CD248: variants seen among roughly 807,000 people sequenced by gnomAD.
CD248 encodes CD248 molecule, also known as endosialin.
Under a neutral mutation model 8.0 loss-of-function variants are expected in CD248, and 7 were observed. The observed-to-expected ratio is 0.88, with a 90% CI of 0.50 to 1.64. CD248 has a LOEUF of 1.64. CD248 is among the 40% of genes most tolerant of loss of function. CD248 has a pLI of 0.00. For synonymous variants in CD248, 418 were observed against 437.1 expected (o/e 0.96, Z 0.54); for missense variants, 912 against 1,027.2 (o/e 0.89, Z 1.53).
chr11:66,315,819 C>T lies in CD248; in HGVS notation c.1209G>A (p.Pro403=), dbSNP rs186642249. Reference sequence around the variant, plus strand: ...GTCTATAGGCCAGGGCAAAGTCAGGCGGCTGCGTAGGCTCCATCCACAGGA... The same window carrying T: ...GTCTATAGGCCAGGGCAAAGTCAGGTGGCTGCGTAGGCTCCATCCACAGGA... ...PGILWMEPTQ[P]PDFALAYRPS... is the part of the protein sequence containing the mutation. Residue 403 remains proline, a synonymous_variant, in exon 1 of 1, where the codon CCG becomes CCA. Transcript: ENST00000311330. The surrounding 1 kb of genome is among the most constrained non-coding windows in gnomAD (Gnocchi z 4.3). The T allele has an allele frequency of 7.3e-5, 118 of 1,613,938 alleles. No individual in the cohort carries two copies. Among genetic ancestry groups the T allele is most frequent in the South Asian group, 5.2e-4 (47 of 91,080 alleles).
At position 66,316,991 on chromosome 11, in the gene CD248, C is replaced by A; in HGVS notation, c.37G>T (p.Gly13Trp). The part of the protein sequence containing the change: ...LRLLLAWAAA[G>W]PTLGQDPWAA... ...CAGGGGTCCTGGCCCAGTGTGGGCC[C>A]TGCGGCCGCCCAGGCCAGCAACAGG... Residue 13 changes from glycine (G) to tryptophan (W), a missense_variant, in exon 1 of 1, where the codon GGG becomes TGG. By Grantham distance (184) the Gly-to-Trp change is radical. Coordinates refer to ENST00000311330, the MANE Select transcript of CD248 (RefSeq NM_020404.3). The A allele has an allele frequency of 6.7e-7, 1 of 1,491,056 alleles. No homozygotes were observed. The highest frequency in any genetic ancestry group is 2.4e-5 in the Admixed American group (1 of 41,508). The allele number at this position is 1,491,056 out of a possible 1,614,324, so 92.4% of individuals were successfully genotyped here. A position where few individuals can be genotyped will look rare whatever the true frequency, so the allele number is the denominator to read the frequency against.
chr11:66,315,471 G>A lies in CD248; in HGVS notation c.1557C>T (p.Thr519=), dbSNP rs764716360. ...GGGCAGGGAAGAGCTCCGGATATTT[G>A]GTTGAGATCATAGGGGGCTGGTGGG... ...PPAHQPPMIS[T]KYPELFPAHQ... The change falls in exon 1 of 1, where the codon ACC becomes ACT. Residue 519 remains threonine, a synonymous_variant. Transcript: ENST00000311330. The surrounding 1 kb of genome is among the most constrained non-coding windows in gnomAD (Gnocchi z 4.3). The A allele has an allele frequency of 3.1e-6, 5 of 1,613,996 alleles. No homozygotes were observed. The highest frequency in any genetic ancestry group is 4.2e-6 in the Non-Finnish European group (5 of 1,179,958).
Position 66,315,905 on chromosome 11 carries a change from C to T in CD248, c.1123G>A (p.Glu375Lys), listed in dbSNP as rs1201726582. The T allele has an allele frequency of 1.2e-6, 2 of 1,613,550 alleles. No homozygotes were observed. Among genetic ancestry groups the T allele is most frequent in the Non-Finnish European group, 1.7e-6 (2 of 1,180,022 alleles). Residue 375 changes from glutamate (E) to lysine (K), a missense_variant, in exon 1 of 1, where the codon GAG (glutamate) becomes AAG (lysine). By Grantham distance (56) the Glu-to-Lys change is moderately conservative (BLOSUM62 1). Around this residue, in one of 3 missense-constraint regions of CD248, gnomAD observed 507 missense variants for 562.2 expected, o/e 0.90. Transcript: ENST00000311330. The surrounding 1 kb of genome is among the most constrained non-coding windows in gnomAD (Gnocchi z 4.3). ...GDELLDDGED[E>K]EDEDEAWKAF... ...TTCCAGGCCTCGTCTTCATCTTCCT[C>T]ATCCTCCCCGTCATCCAGCAACTCA... is the stretch of plus-strand genomic sequence containing the variant.
Position 66,316,725 on chromosome 11 carries a change from G to A in CD248, c.303C>T (p.Arg101=), listed in dbSNP as rs138322044. ...GGTCCCCTGTGGTCCACGTGAAGCC[G>A]CGCAGTGGGCGCTGCAGCTGGCATT... ...ARQCQLQRPL[R]GFTWTTGDQD... is the part of the protein sequence containing the mutation. Residue 101 remains arginine (R), a synonymous_variant, in exon 1 of 1, where the codon CGC becomes CGT. Coordinates refer to ENST00000311330, the MANE Select transcript of CD248 (RefSeq NM_020404.3). 3.7e-4 allele frequency: 593 copies of A among 1,604,520 alleles called. 1 individual carries two copies. The African/African-American group carries it at 4.6e-3, about 12-fold the overall frequency.
At position 66,315,553 on chromosome 11, in the gene CD248, A is replaced by C. The variant is rs1271170864; in HGVS notation, c.1475T>G (p.Leu492Arg). ...IPVIAANYPD[L>R]PSAYQPGILS... The stretch of plus-strand genomic sequence containing the variant: ...AATACCGGGTTGGTAGGCAGAAGGC[A>C]GATCTGGATAGTTGGCTGCGATCAC... Residue 492 changes from leucine (L) to arginine (R), a missense_variant, in exon 1 of 1, where the codon CTG (leucine) becomes CGG (arginine). Physicochemically the swap from Leu to Arg is moderately radical, Grantham distance 102. Coordinates refer to ENST00000311330, the MANE Select transcript of CD248 (RefSeq NM_020404.3). This position sits in a 1 kb window ranked among gnomAD's most constrained non-coding sequence, Gnocchi z 4.3. The C allele has an allele frequency of 1.2e-6, 2 of 1,614,026 alleles. No homozygotes were observed. Among genetic ancestry groups the C allele is most frequent in the South Asian group, 2.2e-5 (2 of 91,084 alleles).
In CD248 at chr11:66,316,801, G is replaced by A. The variant is rs1427912415; in HGVS notation, c.227C>T (p.Ala76Val). ...CCACAGCAGCCGGCTGGCTGGGCCC[G>A]CACCCACCAGGCTGTCCACACGCTG... is the stretch of plus-strand genomic sequence containing the variant. ...EAQRVDSLVGAGPASRLLWIG... is the reference protein window; with the variant it reads ...EAQRVDSLVGVGPASRLLWIG... Residue 76 changes from alanine (A) to valine (V), a missense_variant, in exon 1 of 1, where the codon GCG becomes GTG. Around this residue, in one of 3 missense-constraint regions of CD248, gnomAD observed 403 missense variants for 446.2 expected, o/e 0.90. Transcript: ENST00000311330. 7 of 1,588,122 alleles carry A rather than the reference G, an allele frequency of 4.4e-6. No individual in the cohort carries two copies. The highest frequency in any genetic ancestry group is 2.2e-4 in the Middle Eastern group (1 of 4,488).
rs1426848971 is a variant in CD248, at chr11:66,316,701, G to C, written c.327C>G (p.Asp109Glu). 1 of 1,606,744 alleles carries C rather than the reference G, an allele frequency of 6.2e-7. No individual in the cohort carries two copies. The highest frequency in any genetic ancestry group is 2.2e-5 in the East Asian group (1 of 44,862). Residue 109 changes from aspartate to glutamate, a missense_variant, in exon 1 of 1, where the codon GAC (aspartate) becomes GAG (glutamate). By Grantham distance (45) the Asp-to-Glu change is conservative. Coordinates refer to ENST00000311330, the MANE Select transcript of CD248 (RefSeq NM_020404.3). ...PLRGFTWTTG[D>E]QDTAFTNWAQ... ...CCCAGTTGGTGAAAGCCGTGTCCTGGTCCCCTGTGGTCCACGTGAAGCCGC... is the reference window on the plus strand; with the variant it reads ...CCCAGTTGGTGAAAGCCGTGTCCTGCTCCCCTGTGGTCCACGTGAAGCCGC...
Position 66,316,443 on chromosome 11 carries a change from G to C in CD248, c.585C>G (p.Phe195Leu). 1 of 1,602,064 alleles carries C rather than the reference G, an allele frequency of 6.2e-7. No individual in the cohort carries two copies. The highest frequency in any genetic ancestry group is 8.5e-7 in the Non-Finnish European group (1 of 1,179,736). The change falls in exon 1 of 1, where the codon TTC becomes TTG. Residue 195 changes from phenylalanine (F) to leucine (L), a missense_variant. Around this residue, in one of 3 missense-constraint regions of CD248, gnomAD observed 403 missense variants for 446.2 expected, o/e 0.90. Transcript: ENST00000311330. Reference sequence around the variant, plus strand: ...GGCACTGCACAGCGGCCACAGAGCCGAAGGGCAGCCACTCAAACTCTGTGG... The same window carrying C: ...GGCACTGCACAGCGGCCACAGAGCCCAAGGGCAGCCACTCAAACTCTGTGG... Reference protein sequence around the residue: ...LVSTEFEWLPFGSVAAVQCQA... With the variant: ...LVSTEFEWLPLGSVAAVQCQA...
In CD248 at chr11:66,315,609, GT is replaced by G; in HGVS notation, c.1418del (p.His473ProfsTer12). 1 of 1,613,914 alleles carries G rather than the reference GT, an allele frequency of 6.2e-7. No homozygotes were observed. Among genetic ancestry groups the G allele is most frequent in the Non-Finnish European group, 8.5e-7 (1 of 1,179,896 alleles). ...TCTGGTGGTCACGGGACAAAGCTGGGTGTGTGGCAGGGATCACAGGAGGCTG... is the reference window on the plus strand; with the variant it reads ...TCTGGTGGTCACGGGACAAAGCTGGGGTGTGGCAGGGATCACAGGAGGCTG... ...AHQPPVIPAT[H>X]PALSRDHQIP... On this transcript the variant is annotated frameshift_variant, in exon 1 of 1. Coordinates refer to ENST00000311330, the MANE Select transcript of CD248 (RefSeq NM_020404.3). LOFTEE classifies it low-confidence loss of function (END_TRUNC). This position sits in a 1 kb window ranked among gnomAD's most constrained non-coding sequence, Gnocchi z 4.3.
Position 66,315,885 on chromosome 11 carries a change from G to A in CD248, c.1143C>T (p.Ala381=), listed in dbSNP as rs1854541346. The A allele has an allele frequency of 5.6e-6, 9 of 1,613,776 alleles. 1 individual carries two copies. The highest frequency in any genetic ancestry group is 6.8e-6 in the Non-Finnish European group (8 of 1,180,002). ...TCCAGCCACCGTTGAAGGCCTTCCA[G>A]GCCTCGTCTTCATCTTCCTCATCCT... ...DGEDEEDEDE[A]WKAFNGGWTE... The change falls in exon 1 of 1, where the codon GCC becomes GCT. Residue 381 remains alanine (A), a synonymous_variant. Coordinates refer to ENST00000311330, the MANE Select transcript of CD248 (RefSeq NM_020404.3). This position sits in a 1 kb window ranked among gnomAD's most constrained non-coding sequence, Gnocchi z 4.3.
rs763690833 is a variant in CD248, at chr11:66,316,736, G to A, written c.292C>T (p.Arg98Cys). The change falls in exon 1 of 1, where the codon CGC becomes TGC. Residue 98 changes from arginine (R) to cysteine (C), a missense_variant. Transcript: ENST00000311330. ...QRQARQCQLQ[R>C]PLRGFTWTTG... ...GTCCACGTGAAGCCGCGCAGTGGGC[G>A]CTGCAGCTGGCATTGCCGGGCCTGC... is the stretch of plus-strand genomic sequence containing the variant. 15 of 1,603,074 alleles carry A rather than the reference G, an allele frequency of 9.4e-6. No homozygotes were observed. The highest frequency in any genetic ancestry group is 5.3e-5 in the African/African-American group (4 of 74,840).
At position 66,315,573 on chromosome 11, in the gene CD248, G is replaced by A. The variant is rs74494297; in HGVS notation, c.1455C>T (p.Ile485=). The change falls in exon 1 of 1, where the codon ATC becomes ATT. Residue 485 remains isoleucine, a synonymous_variant. Coordinates refer to ENST00000311330, the MANE Select transcript of CD248 (RefSeq NM_020404.3). The surrounding 1 kb of genome is among the most constrained non-coding windows in gnomAD (Gnocchi z 4.3). Reference sequence around the variant, plus strand: ...AAGGCAGATCTGGATAGTTGGCTGCGATCACGGGGATCTGGTGGTCACGGG... The same window carrying A: ...AAGGCAGATCTGGATAGTTGGCTGCAATCACGGGGATCTGGTGGTCACGGG... ...ALSRDHQIPV[I]AANYPDLPSA... is the part of the protein sequence containing the mutation. 892 of 1,613,942 alleles carry A rather than the reference G, an allele frequency of 5.5e-4. 1 individual carries two copies. In the African/African-American group the frequency reaches 0.011, roughly 20 times the overall value.
chr11:66,316,934 T>C lies in CD248; in HGVS notation c.94A>G (p.Ser32Gly), dbSNP rs750980250. 8.4e-6 allele frequency: 13 copies of C among 1,553,888 alleles called. No individual in the cohort carries two copies. The South Asian group carries it at 9.3e-5, about 11-fold the overall frequency. ...AAEPRAACGP[S>G]SCYALFPRRR... is the part of the protein sequence containing the mutation. Reference sequence around the variant, plus strand: ...CGTGGGAAGAGAGCGTAGCAGCTGCTGGGGCCGCAGGCGGCACGGGGCTCA... The same window carrying C: ...CGTGGGAAGAGAGCGTAGCAGCTGCCGGGGCCGCAGGCGGCACGGGGCTCA... The change falls in exon 1 of 1, where the codon AGC becomes GGC. Residue 32 changes from serine (S) to glycine (G), a missense_variant. Around this residue, in one of 3 missense-constraint regions of CD248, gnomAD observed 403 missense variants for 446.2 expected, o/e 0.90. Transcript: ENST00000311330.
In CD248 at chr11:66,317,014, A is replaced by C; in HGVS notation, c.14T>G (p.Leu5Arg). 6.8e-7 allele frequency: 1 copy of C among 1,463,892 alleles called. No homozygotes were observed. Among genetic ancestry groups the C allele is most frequent in the Non-Finnish European group, 8.9e-7 (1 of 1,119,266 alleles). The allele number at this position is 1,463,892 out of a possible 1,614,324, so 90.7% of individuals were successfully genotyped here. Residue 5 changes from leucine to arginine, a missense_variant, in exon 1 of 1, where the codon CTG (leucine) becomes CGG (arginine). Physicochemically the swap from Leu to Arg is moderately radical, Grantham distance 102. This residue lies in a region of CD248 where 403 missense variants were observed against 446.2 expected (regional missense o/e 0.90). Transcript: ENST00000311330. MLLR[L>R]LLAWAAAGPT... Reference sequence around the variant, plus strand: ...CCCTGCGGCCGCCCAGGCCAGCAACAGGCGCAGCAGCATCGCGATGCCCCC... The same window carrying C: ...CCCTGCGGCCGCCCAGGCCAGCAACCGGCGCAGCAGCATCGCGATGCCCCC...
chr11:66,314,576 G>A lies in CD248; in HGVS notation c.*178C>T, dbSNP rs555697515. ...AGGGCTTTGGTGTATCCTTGGTCAC[G>A]AGCGCTGGGCCAGGAAGCAGAGTTC... On this transcript the variant is annotated 3_prime_UTR_variant, in exon 1 of 1. Coordinates refer to ENST00000311330, the MANE Select transcript of CD248 (RefSeq NM_020404.3). This position sits in a 1 kb window ranked among gnomAD's most constrained non-coding sequence, Gnocchi z 4.0. 1.8e-4 allele frequency: 110 copies of A among 599,088 alleles called. No homozygotes were observed. Among genetic ancestry groups the A allele is most frequent in the African/African-American group, 1.8e-3 (98 of 54,038 alleles). 37.1% of individuals were successfully genotyped at this position (599,088 alleles called of 1,614,324 possible).
In CD248 at chr11:66,315,447, G is replaced by C. The variant is rs776352799; in HGVS notation, c.1581C>G (p.Ala527=). The change falls in exon 1 of 1, where the codon GCC becomes GCG. Residue 527 remains alanine (A), a synonymous_variant. Coordinates refer to ENST00000311330, the MANE Select transcript of CD248 (RefSeq NM_020404.3). This position sits in a 1 kb window ranked among gnomAD's most constrained non-coding sequence, Gnocchi z 4.3. ...ISTKYPELFP[A]HQSPMFPDTR... is the part of the protein sequence containing the mutation. ...TGTCTGGAAACATGGGGGACTGGTGGGCAGGGAAGAGCTCCGGATATTTGG... is the reference window on the plus strand; with the variant it reads ...TGTCTGGAAACATGGGGGACTGGTGCGCAGGGAAGAGCTCCGGATATTTGG... 1 of 1,613,856 alleles carries C rather than the reference G, an allele frequency of 6.2e-7. No homozygotes were observed. Among genetic ancestry groups the C allele is most frequent in the Admixed American group, 1.7e-5 (1 of 60,008 alleles).
Position 66,315,634 on chromosome 11 carries a change from T to C in CD248, c.1394A>G (p.Gln465Arg), listed in dbSNP as rs762541750. ...ATHPTLPSAH[Q>R]PPVIPATHPA... ...GTGTGTGGCAGGGATCACAGGAGGC[T>C]GGTGGGCAGAAGGCAGTGTGGGATG... The change falls in exon 1 of 1, where the codon CAG becomes CGG. Residue 465 changes from glutamine (Q) to arginine (R), a missense_variant. Coordinates refer to ENST00000311330, the MANE Select transcript of CD248 (RefSeq NM_020404.3). This position sits in a 1 kb window ranked among gnomAD's most constrained non-coding sequence, Gnocchi z 4.3. 2 of 1,613,214 alleles carry C rather than the reference T, an allele frequency of 1.2e-6. No homozygotes were observed. Among genetic ancestry groups the C allele is most frequent in the South Asian group, 2.2e-5 (2 of 91,014 alleles).
Position 66,316,554 on chromosome 11 carries a change from A to G in CD248, c.474T>C (p.Phe158=). The stretch of plus-strand genomic sequence containing the variant: ...GCGCCGGGCAGGCGCCCTCGAAGCC[A>G]AACTGGCACAGGTAGCCGTCGACAG... ...TLAVDGYLCQ[F]GFEGACPALQ... is the part of the protein sequence containing the mutation. The change falls in exon 1 of 1, where the codon TTT becomes TTC. Residue 158 remains phenylalanine, a synonymous_variant. Transcript: ENST00000311330. The G allele has an allele frequency of 6.2e-7, 1 of 1,600,260 alleles. No homozygotes were observed. Among genetic ancestry groups the G allele is most frequent in the Non-Finnish European group, 8.5e-7 (1 of 1,179,408 alleles).
chr11:66,314,540 C>T lies in CD248; in HGVS notation c.*214G>A. The T allele has an allele frequency of 5.6e-6, 3 of 534,752 alleles. No homozygotes were observed. Among genetic ancestry groups the T allele is most frequent in the Non-Finnish European group, 6.7e-6 (2 of 299,510 alleles). 33.1% of individuals were successfully genotyped at this position (534,752 alleles called of 1,614,324 possible). ...TGGAGAAGACCCCAGCACCCGCCCC[C>T]TGAGGTCTTAAGGGCTTTGGTGTAT... On this transcript the variant is annotated 3_prime_UTR_variant, in exon 1 of 1. Transcript: ENST00000311330. The surrounding 1 kb of genome is among the most constrained non-coding windows in gnomAD (Gnocchi z 4.0).
Sources: gnomAD v4.1 joint callset for allele counts on GRCh38, gnomAD v4.1.1 for gene constraint, gnomAD v4.1.1 regional missense constraint, Gnocchi (gnomAD v3.1) non-coding constraint, MANE v1.5 for transcripts, NCBI Gene and HGNC (gene_info 2026-07-23, HGNC 2026-07-21) for gene names.